The following PRR11 variants were observed in gnomAD, a reference collection of about 807,000 sequenced individuals.
PRR11 encodes the protein proline rich 11, also known as proline-rich protein 11.
A neutral mutation model predicts 45.6 loss-of-function variants in PRR11; 30 were observed. That is an observed-to-expected ratio of 0.66 (90% CI 0.49 to 0.89). The LOEUF (loss-of-function observed/expected upper bound fraction) is 0.89. Ranked by LOEUF, PRR11 falls within the 40% of genes least tolerant of loss-of-function variation. The pLI is 0.00. For synonymous variants in PRR11, 128 were observed against 153.5 expected (o/e 0.83, Z 1.23); for missense variants, 373 against 424.8 (o/e 0.88, Z 1.07).
intron 9 of PRR11, among the ~76,000 whole-genome samples, chr17:59,199,650 T>C: frequency 6.6e-6 from 1 of 152,304 alleles, no homozygotes; most frequent in African/African-American, 2.4e-5. Flanking sequence ...GCTGCTGGCA[T>C]CTTTGGCTTT....
At chr17:59,158,610 G>A (rs528785258) in intron 1 of PRR11, among the ~76,000 whole-genome samples, 1 of 152,188 alleles carries the variant, frequency 6.6e-6, no homozygotes, top group African/African-American at 2.4e-5. Flanking sequence ...ATTGACAATT[G>A]GTAAATCTAG....
chr17:59,189,343 T>C (rs1432711374), intron 4 of PRR11, among the ~76,000 whole-genome samples: 1 of 150,462 alleles, frequency 6.6e-6, no homozygotes, highest in African/African-American at 2.4e-5. Context: ...TAATTTTTTT[T>C]GTTCGTTTGA....
chr17:59,163,741 A>T (rs1186566844), intron 1 of PRR11: 6 of 152,208 alleles, frequency 3.9e-5, no homozygotes, highest in Non-Finnish European at 8.8e-5. Context: ...AAAAAATCAA[A>T]AGAGGAACAA....
chr17:59,204,713 A>G lies in PRR11; in HGVS notation c.*3082A>G, dbSNP rs1416299197. 6.5e-6 allele frequency: 1 copy of G among 152,922 alleles called. No individual in the cohort carries two copies. The highest frequency in any genetic ancestry group is 2.4e-5 in the African/African-American group (1 of 41,354). 9.5% of individuals were successfully genotyped at this position (152,922 alleles called of 1,614,324 possible). A position where few individuals can be genotyped will look rare whatever the true frequency, so the allele number is the denominator to read the frequency against. ...AGAGTGAGACCCTGTGTCAAAAAAA[A>G]AAAAAAGAAAGAAAGAAAGAAAAAA... On this transcript the variant is annotated 3_prime_UTR_variant, in exon 10 of 10. Coordinates refer to ENST00000262293, the MANE Select transcript of PRR11 (RefSeq NM_018304.4).
chr17:59,178,075 T>C (rs1314118097), intron 2 of PRR11, among the ~76,000 whole-genome samples: 1 of 150,434 alleles, frequency 6.6e-6, no homozygotes, highest in East Asian at 2.0e-4. Context: ...GGCTCACATC[T>C]GTAATCCCAG....
Position 59,169,761 on chromosome 17 carries a change from G to T in PRR11, c.9G>T (p.Lys3Asn). 1 of 1,590,240 alleles carries T rather than the reference G, an allele frequency of 6.3e-7. No homozygotes were observed. The change falls in exon 2 of 10, where the codon AAG (lysine) becomes AAT (asparagine). Residue 3 changes from lysine to asparagine, a missense_variant. By Grantham distance (94) the Lys-to-Asn change is moderately conservative. Coordinates refer to ENST00000262293, the MANE Select transcript of PRR11 (RefSeq NM_018304.4). MP[K>N]FKQRRRKLKA... ...ATTTCTCTGCAGAAATCATGCCCAA[G>T]TTCAAACAACGAAGACGAAAGCTAA... is the stretch of plus-strand genomic sequence containing the variant.
chr17:59,180,601 G>T (rs1305457654), intron 2 of PRR11, among the ~76,000 whole-genome samples: 1 of 149,480 alleles, frequency 6.7e-6, no homozygotes, highest in African/African-American at 2.5e-5. Context: ...TGCCTCCCGG[G>T]TTCTAGAGAT....
intron 1 of PRR11, among the ~76,000 whole-genome samples, chr17:59,158,584 G>A (rs1255971158): frequency 6.6e-6 from 1 of 152,124 alleles, no homozygotes; most frequent in African/African-American, 2.4e-5. Context: ...GAAAGAGTGT[G>A]TGTACAAAGA....
chr17:59,192,313 G>A (rs185573497), intron 4 of PRR11, among the ~76,000 whole-genome samples: 17 of 152,290 alleles, frequency 1.1e-4, no homozygotes, highest in African/African-American at 3.6e-4. Context: ...AAGCTCCTAC[G>A]ACACCTTGAT....
chr17:59,165,015 GT>G (rs1289676348), intron 1 of PRR11, among the ~76,000 whole-genome samples: 1 of 150,766 alleles, frequency 6.6e-6, no homozygotes, highest in East Asian at 1.9e-4. Context: ...TTTTTGTTTT[GT>G]TTTTTTGTTT....
chr17:59,176,684 CTTTTTTTT>C (rs71367676), intron 2 of PRR11, among the ~76,000 whole-genome samples: 2 of 39,000 alleles, frequency 5.1e-5, no homozygotes, highest in African/African-American at 1.2e-4. Context: ...GTTTTTTTGG[CTTTTTTTT>C]TTTTTTTTTT....
intron 2 of PRR11, chr17:59,177,288 G>A (rs1283597670): frequency 2.0e-5 from 11 of 544,476 alleles, no homozygotes; most frequent in Non-Finnish European, 3.3e-5. Context: ...AAAGGGAGAG[G>A]TCACATCTTG....
intron 1 of PRR11, among the ~76,000 whole-genome samples, chr17:59,156,941 A>G (rs757638627): frequency 1.1e-4 from 17 of 152,154 alleles, no homozygotes; most frequent in South Asian, 4.1e-4. Flanking sequence ...AGAACTTTTC[A>G]TATCATTGGG....
At chr17:59,159,232 A>G (rs1308060614) in intron 1 of PRR11, among the ~76,000 whole-genome samples, 1 of 152,042 alleles carries the variant, frequency 6.6e-6, no homozygotes, top group African/African-American at 2.4e-5. Flanking sequence ...CCCACTCCTT[A>G]TACATGGTGT....
At chr17:59,167,611 T>C (rs1220184195) in intron 1 of PRR11, among the ~76,000 whole-genome samples, 1 of 152,218 alleles carries the variant, frequency 6.6e-6, no homozygotes, top group Admixed American at 6.5e-5. Context: ...ATATCTTGAT[T>C]ATATGCTAAA....
At chr17:59,164,772 C>T (rs1465219310) in intron 1 of PRR11, among the ~76,000 whole-genome samples, 12 of 151,560 alleles carry the variant, frequency 7.9e-5, no homozygotes, top group Non-Finnish European at 1.2e-4. Context: ...CCAGCTACTC[C>T]GGAAGCGGAG....
intron 7 of PRR11, 133 bp downstream of exon 7, chr17:59,195,576 GA>G (rs1389986821): frequency 1.8e-6 from 1 of 561,512 alleles, no homozygotes; most frequent in Non-Finnish European, 3.0e-6. Flanking sequence ...GCTCATTATA[GA>G]AAAACTGAAA....
intron 5 of PRR11, among the ~76,000 whole-genome samples, chr17:59,194,008 A>G (rs2046852275): frequency 6.6e-6 from 1 of 152,152 alleles, no homozygotes; most frequent in Non-Finnish European, 1.5e-5. Flanking sequence ...TTCCTAGGGA[A>G]GAAAACCTCC....
intron 1 of PRR11, among the ~76,000 whole-genome samples, chr17:59,166,169 C>T (rs1340035803): frequency 1.3e-5 from 2 of 152,158 alleles, no homozygotes; most frequent in Non-Finnish European, 2.9e-5. Flanking sequence ...AATCTGAGAG[C>T]TGAGCAAGTA....
Sources: gnomAD v4.1 joint callset for allele counts (sites outside exome capture counted in the v4.1 genomes callset) on GRCh38, gnomAD v4.1.1 for gene constraint, MANE v1.5 for transcripts, NCBI Gene and HGNC (gene_info 2026-07-23, HGNC 2026-07-21) for gene names.